The following DOCK7 variants were observed in gnomAD, a reference collection of about 807,000 sequenced individuals.
The protein encoded by DOCK7 is dedicator of cytokinesis protein 7.
In DOCK7, 138 loss-of-function variants were observed where a neutral mutation model predicts 271.0. That is an observed-to-expected ratio of 0.51 (90% confidence interval 0.44 to 0.59). The LOEUF is 0.59. Ranked by LOEUF, DOCK7 falls within the 20% of genes least tolerant of loss-of-function variation. DOCK7 has a pLI of 0.00. For synonymous variants in DOCK7, 823 were observed against 876.1 expected (o/e 0.94, Z 1.07); for missense variants, 2,066 against 2,592.4 (o/e 0.80, Z 4.41).
Position 62,459,978 on chromosome 1 carries a change from G to A in DOCK7, c.6213-2273C>T, listed in dbSNP as rs542083461. 2.6e-5 allele frequency among the ~76,000 whole-genome samples: 4 copies of A among 151,946 alleles called. No individual in the cohort carries two copies. The South Asian group carries it at 8.3e-4, about 32-fold the overall frequency. ...TAGCCAGGTGTGGTGGTGGGTGCCT[G>A]TAGTCCCAGCTACTGGGAGGCTGAG... is the stretch of plus-strand genomic sequence containing the variant. On this transcript the variant is annotated intron_variant, in intron 48 of 49. Coordinates refer to ENST00000635253, the MANE Select transcript of DOCK7 (RefSeq NM_001367561.1).
At position 62,613,492 on chromosome 1, in the gene DOCK7, A is replaced by G. The variant is rs375154663; in HGVS notation, c.1682+5214T>C. ...ATCTCTAGCTTCAGGTATAACTTAA[A>G]TAACAGATTTAAGTCTTTAAGAAGA... On this transcript the variant is annotated intron_variant, in intron 14 of 49. Transcript: ENST00000635253. Among the ~76,000 whole-genome samples, 89 of 152,334 alleles carry G rather than the reference A, an allele frequency of 5.8e-4. 1 individual carries two copies. The South Asian group carries it at 0.016, about 28-fold the overall frequency.
chr1:62,655,647 G>A (rs1487640768), intron 2 of DOCK7, among the ~76,000 whole-genome samples: 4 of 151,974 alleles, frequency 2.6e-5, no homozygotes, highest in Non-Finnish European at 5.9e-5. Flanking sequence ...GCTAACTTTG[G>A]AACTCCTGAG....
intron 2 of DOCK7, among the ~76,000 whole-genome samples, chr1:62,659,811 G>A (rs1395469475): frequency 1.3e-5 from 2 of 152,036 alleles, no homozygotes; most frequent in Non-Finnish European, 2.9e-5. Flanking sequence ...AATAGAGAGG[G>A]ACATTACCTT....
chr1:62,566,616 C>T (rs1321683757), intron 18 of DOCK7, among the ~76,000 whole-genome samples: 1 of 152,114 alleles, frequency 6.6e-6, no homozygotes, highest in Admixed American at 6.5e-5. Context: ...TAGGCAATAC[C>T]ATTCAGGACA....
chr1:62,462,557 T>C (rs565041731), intron 48 of DOCK7, among the ~76,000 whole-genome samples: 1 of 152,286 alleles, frequency 6.6e-6, no homozygotes, highest in East Asian at 1.9e-4. Flanking sequence ...ATAATAGTGA[T>C]GACACAGCAA....
At chr1:62,475,556 AG>A in intron 46 of DOCK7, 150 bp downstream of exon 46, 1 of 1,077,928 alleles carries the variant, frequency 9.3e-7, no homozygotes, top group African/African-American at 1.6e-5. Context: ...GTCTTAGAAA[AG>A]AAGTAAAAAA....
intron 18 of DOCK7, among the ~76,000 whole-genome samples, chr1:62,568,045 TAACA>T (rs1442681815): frequency 9.2e-5 from 14 of 152,076 alleles, no homozygotes; most frequent in Non-Finnish European, 2.1e-4. Flanking sequence ...ACTGAAATAA[TAACA>T]AACAGTCTCT....
At chr1:62,497,825 G>T (rs969102800) in intron 37 of DOCK7, among the ~76,000 whole-genome samples, 2 of 152,160 alleles carry the variant, frequency 1.3e-5, no homozygotes, top group African/African-American at 4.8e-5. Context: ...TAAAATTAAA[G>T]AATTCAACTC....
intron 1 of DOCK7, among the ~76,000 whole-genome samples, chr1:62,670,719 C>T (rs1199346660): frequency 6.6e-6 from 1 of 152,142 alleles, no homozygotes; most frequent in Non-Finnish European, 1.5e-5. Context: ...TTGTATCTAG[C>T]TCAGGGATTG....
intron 1 of DOCK7, among the ~76,000 whole-genome samples, chr1:62,665,501 C>T (rs192239617): frequency 2.1e-4 from 32 of 151,716 alleles, no homozygotes; most frequent in Admixed American, 2.0e-3. Flanking sequence ...GTCAAGAAAT[C>T]GGGACCATCC....
chr1:62,477,905 C>T lies in DOCK7; in HGVS notation c.5509-80G>A, dbSNP rs560985249. 98 of 1,420,704 alleles carry T rather than the reference C, an allele frequency of 6.9e-5. No individual in the cohort carries two copies. In the African/African-American group the frequency reaches 1.3e-3, roughly 18 times the overall value. 88.0% of individuals were successfully genotyped at this position (1,420,704 alleles called of 1,614,324 possible). A position where few individuals can be genotyped will look rare whatever the true frequency, so the allele number is the denominator to read the frequency against. ...TTTTCACATTATGTTTAGATTGTTA[C>T]AGCATAAAATTTCCAAAACATTGCA... On this transcript the variant is annotated intron_variant, in intron 43 of 49. Transcript: ENST00000635253.
At chr1:62,569,924 G>A (rs1646714227) in intron 18 of DOCK7, among the ~76,000 whole-genome samples, 1 of 152,154 alleles carries the variant, frequency 6.6e-6, no homozygotes, top group African/African-American at 2.4e-5. Context: ...ATGTTGGCCA[G>A]GCTGGTCTTG....
intron 14 of DOCK7, among the ~76,000 whole-genome samples, chr1:62,603,702 A>G (rs1482201225): frequency 6.6e-6 from 1 of 151,872 alleles, no homozygotes; most frequent in East Asian, 1.9e-4. Flanking sequence ...AATGTAACAC[A>G]TTTCACTGGT....
intron 18 of DOCK7, among the ~76,000 whole-genome samples, chr1:62,576,424 AG>A (rs1319868961): frequency 1.3e-5 from 2 of 152,216 alleles, no homozygotes; most frequent in Non-Finnish European, 2.9e-5. Flanking sequence ...TTCGTGTGTA[AG>A]GAACAGCAGA....
intron 1 of DOCK7, among the ~76,000 whole-genome samples, chr1:62,670,932 G>A (rs1410905364): frequency 1.3e-5 from 2 of 152,092 alleles, no homozygotes; most frequent in East Asian, 1.9e-4. Flanking sequence ...TTGGGTCCAC[G>A]CTGCTTTTAT....
At chr1:62,479,955 GAT>G (rs1316784319) in intron 43 of DOCK7, among the ~76,000 whole-genome samples, 1 of 152,184 alleles carries the variant, frequency 6.6e-6, no homozygotes, top group African/African-American at 2.4e-5. Flanking sequence ...AAAGTGCTGA[GAT>G]TACAGGTGTG....
chr1:62,667,658 A>G (rs547257455), intron 1 of DOCK7, among the ~76,000 whole-genome samples: 2 of 152,240 alleles, frequency 1.3e-5, no homozygotes, highest in South Asian at 4.2e-4. Context: ...GAGAGGTTGC[A>G]GTGAGCCTAG....
chr1:62,581,740 A>T (rs1647129202), intron 16 of DOCK7, among the ~76,000 whole-genome samples: 1 of 152,114 alleles, frequency 6.6e-6, no homozygotes, highest in South Asian at 2.1e-4. Flanking sequence ...CGGGAAAAAG[A>T]ATACTACAGA....
intron 20 of DOCK7, 80 bp downstream of exon 20, chr1:62,558,909 T>A: frequency 8.3e-7 from 1 of 1,199,160 alleles, no homozygotes; most frequent in Non-Finnish European, 1.2e-6. Flanking sequence ...CAAATAGAAA[T>A]CATGTTTTTT....
Sources: allele counts gnomAD v4.1 joint callset (sites outside exome capture counted in the v4.1 genomes callset), GRCh38; gene constraint gnomAD v4.1.1; transcripts MANE v1.5; gene names NCBI Gene and HGNC (gene_info 2026-07-23, HGNC 2026-07-21).